Variants in EYS observed in about 807,000 individuals in gnomAD.
EYS encodes the protein EGF-like photoreceptor maintenance factor.
A neutral mutation model predicts 282.1 loss-of-function variants in EYS; 250 were observed. The observed-to-expected ratio is 0.89, with a 90% CI of 0.80 to 0.98. The LOEUF is 0.98. Among genes scored for constraint, EYS ranks in the 50% least tolerant of loss-of-function variants. The probability of loss-of-function intolerance (pLI) is 0.00; values close to 1 mark genes in which losing one functional copy is unlikely to be tolerated. For synonymous variants in EYS, 1,355 were observed against 1,282.9 expected, an observed-to-expected ratio of 1.06 and a Z score of -1.20; for missense variants, 4,016 against 3,709.0, an observed-to-expected ratio of 1.08 and a Z score of -2.15.
intron 2 of EYS, among the ~76,000 whole-genome samples, chr6:65,579,765 T>A (rs1247796343): frequency 6.6e-6 from 1 of 152,106 alleles, no homozygotes; most frequent in Non-Finnish European, 1.5e-5. Context: ...TCTCCAAATA[T>A]AGTCACACTA....
In EYS at chr6:65,453,904, C is replaced by T. The variant is rs148375052; in HGVS notation, c.862+36690G>A. 7.2e-3 allele frequency among the ~76,000 whole-genome samples: 1,094 copies of T among 151,806 alleles called. 17 individuals carry two copies. Among genetic ancestry groups the T allele is most frequent in the South Asian group, 0.037 (178 of 4,788 alleles). On this transcript the variant is annotated intron_variant, in intron 5 of 42. Transcript: ENST00000503581. ...ATAGTATTCCACTGAGTATAAACAC[C>T]GTATTTTCTTCATCCATTCGTCCCT... is the stretch of plus-strand genomic sequence containing the variant.
intron 31 of EYS, among the ~76,000 whole-genome samples, chr6:64,207,713 A>G (rs989380019): frequency 6.6e-6 from 1 of 152,118 alleles, no homozygotes; most frequent in Non-Finnish European, 1.5e-5. Flanking sequence ...GCCGGAGTGC[A>G]GTGGTGCGAC....
chr6:64,421,747 CCAATCTTTTGT>C (rs1179726068), intron 28 of EYS, among the ~76,000 whole-genome samples: 1 of 151,986 alleles, frequency 6.6e-6, no homozygotes, highest in Non-Finnish European at 1.5e-5. Context: ...AAAATAATCA[CCAATCTTTTGT>C]AATAACTTGG....
chr6:64,979,098 T>C (rs1157003504), intron 14 of EYS, among the ~76,000 whole-genome samples: 1 of 151,820 alleles, frequency 6.6e-6, no homozygotes, highest in Non-Finnish European at 1.5e-5. Flanking sequence ...TGAAATGCTA[T>C]TAAACAGCAG....
chr6:64,780,055 G>T (rs1367898601), intron 22 of EYS, among the ~76,000 whole-genome samples: 1 of 152,088 alleles, frequency 6.6e-6, no homozygotes, highest in African/African-American at 2.4e-5. Context: ...TCCAGGGCTT[G>T]GTTTTTGTGC....
intron 24 of EYS, among the ~76,000 whole-genome samples, chr6:64,599,489 G>T (rs1463136219): frequency 2.0e-5 from 3 of 152,100 alleles, no homozygotes; most frequent in African/African-American, 7.2e-5. Flanking sequence ...AAAAATTAAA[G>T]AAGACAAGCA....
At position 65,385,208 on chromosome 6, in the gene EYS, C is replaced by T. The variant is rs747819369; in HGVS notation, c.1185-708G>A. Among the ~76,000 whole-genome samples, 3 of 151,696 alleles carry T rather than the reference C, an allele frequency of 2.0e-5. No individual in the cohort carries two copies. In the East Asian group the frequency reaches 5.8e-4, roughly 29 times the overall value. The stretch of plus-strand genomic sequence containing the variant: ...AGAATGTTTTTTCTAATGTAAACAC[C>T]AAATATTTTAAGACCAAAAATATGA... On this transcript the variant is annotated intron_variant, in intron 7 of 42. Coordinates refer to ENST00000503581, the MANE Select transcript of EYS (RefSeq NM_001142800.2).
At chr6:64,913,052 T>C (rs915953293) in intron 15 of EYS, among the ~76,000 whole-genome samples, 1 of 152,006 alleles carries the variant, frequency 6.6e-6, no homozygotes, top group Non-Finnish European at 1.5e-5. Flanking sequence ...AGCAAAATTT[T>C]CCTATGAATT....
chr6:64,990,569 T>G (rs964275608), intron 14 of EYS, among the ~76,000 whole-genome samples: 1 of 151,658 alleles, frequency 6.6e-6, no homozygotes, highest in African/African-American at 2.4e-5. Flanking sequence ...TAGTATTCAA[T>G]CAGTTCTAAA....
chr6:65,043,050 C>A (rs1300153304), intron 13 of EYS, among the ~76,000 whole-genome samples: 1 of 151,232 alleles, frequency 6.6e-6, no homozygotes, highest in Non-Finnish European at 1.5e-5. Context: ...ATCTAGATAT[C>A]TTTTGATTTT....
intron 15 of EYS, among the ~76,000 whole-genome samples, chr6:64,918,752 A>T (rs1270299634): frequency 6.6e-6 from 1 of 152,230 alleles, no homozygotes; most frequent in Non-Finnish European, 1.5e-5. Context: ...GCCATCAGGT[A>T]GGAGACAGAT....
chr6:64,750,139 T>G (rs111793824), intron 22 of EYS, among the ~76,000 whole-genome samples: 4 of 152,014 alleles, frequency 2.6e-5, no homozygotes, highest in Non-Finnish European at 5.9e-5. Flanking sequence ...CCAAAGTAAT[T>G]TAATACTTTA....
intron 14 of EYS, among the ~76,000 whole-genome samples, chr6:64,958,682 C>T (rs955913755): frequency 4.2e-4 from 51 of 121,082 alleles, no homozygotes; most frequent in African/African-American, 1.4e-3. Context: ...TTGCAGTGAG[C>T]GGAGATCGCG....
chr6:64,487,599 C>A (rs530602164), intron 26 of EYS, among the ~76,000 whole-genome samples: 140 of 150,718 alleles, frequency 9.3e-4, no homozygotes, highest in Non-Finnish European at 1.5e-3. Flanking sequence ...TGATATTAAT[C>A]CTTATCTTTT....
chr6:63,994,365 T>C (rs1346121374), intron 34 of EYS, among the ~76,000 whole-genome samples: 1 of 151,868 alleles, frequency 6.6e-6, no homozygotes, highest in Non-Finnish European at 1.5e-5. Context: ...GAGTAGGAAA[T>C]AGTGCATGTT....
Position 64,775,833 on chromosome 6 carries a change from A to G in EYS, c.3443+37545T>C, listed in dbSNP as rs77170392. ...AGGGGATAAACATCAAGGTAGTACAATATATCTAATTTTTTGGTTGAATCA... is the reference window on the plus strand; with the variant it reads ...AGGGGATAAACATCAAGGTAGTACAGTATATCTAATTTTTTGGTTGAATCA... On this transcript the variant is annotated intron_variant, in intron 22 of 42. Transcript: ENST00000503581. Among the ~76,000 whole-genome samples, 122 of 152,222 alleles carry G rather than the reference A, an allele frequency of 8.0e-4. 1 individual carries two copies. The East Asian group carries it at 0.021, about 26-fold the overall frequency.
chr6:64,713,411 C>T (rs951089053), intron 22 of EYS: 6 of 152,032 alleles, frequency 3.9e-5, no homozygotes, highest in African/African-American at 1.4e-4. Context: ...CAATTGTGTC[C>T]TCAGCTTGAT....
intron 37 of EYS, among the ~76,000 whole-genome samples, chr6:63,794,484 A>G (rs895933421): frequency 6.6e-6 from 1 of 152,232 alleles, no homozygotes; most frequent in African/African-American, 2.4e-5. Context: ...GTGAAATGAA[A>G]TGACTTGAAG....
intron 36 of EYS, among the ~76,000 whole-genome samples, chr6:63,827,662 G>A (rs1423270790): frequency 6.6e-6 from 1 of 151,942 alleles, no homozygotes; most frequent in African/African-American, 2.4e-5. Flanking sequence ...GGCTAACAAG[G>A]TGAAACCCCG....
Sources: gnomAD v4.1 joint callset for allele counts (sites outside exome capture counted in the v4.1 genomes callset) on GRCh38, gnomAD v4.1.1 for gene constraint, MANE v1.5 for transcripts, NCBI Gene and HGNC (gene_info 2026-07-23, HGNC 2026-07-21) for gene names.